MGST1: variants seen among roughly 807,000 people sequenced by gnomAD.
MGST1 encodes the protein microsomal glutathione S-transferase 1.
MGST1 carries 5 observed loss-of-function variants against 8.9 expected under a neutral mutation model. The observed-to-expected ratio is 0.56, with a 90% CI of 0.29 to 1.19. MGST1 has a LOEUF of 1.19. Among genes scored for constraint, MGST1 ranks in the 50% most tolerant of loss-of-function variants. The pLI is 0.08. For missense variants in MGST1, 182 were observed against 187.4 expected, an observed-to-expected ratio of 0.97 and a Z score of 0.17; for synonymous variants, 54 against 67.8, an observed-to-expected ratio of 0.80 and a Z score of 1.00.
chr12:16,360,964 C>G (rs1939961535), intron 3 of MGST1, among the ~76,000 whole-genome samples: 1 of 149,550 alleles, frequency 6.7e-6, no homozygotes, highest in Middle Eastern at 3.2e-3. Flanking sequence ...TCCTGACCCT[C>G]AGGGGTTTAT....
intron 1 of MGST1, among the ~76,000 whole-genome samples, chr12:16,432,489 G>C (rs573957174): frequency 1.3e-5 from 2 of 152,038 alleles, no homozygotes; most frequent in South Asian, 4.2e-4. Flanking sequence ...TACCTTAGGT[G>C]GTTGAATTTT....
intron 1 of MGST1, among the ~76,000 whole-genome samples, chr12:16,406,378 G>C (rs551684430): frequency 1.6e-4 from 25 of 152,244 alleles, no homozygotes; most frequent in African/African-American, 5.1e-4. Flanking sequence ...TGTCTACAAT[G>C]AGAATTACAA....
intron 1 of MGST1, among the ~76,000 whole-genome samples, chr12:16,348,403 A>G (rs1317612283): frequency 6.6e-6 from 1 of 152,162 alleles, no homozygotes; most frequent in Non-Finnish European, 1.5e-5. Context: ...GGAAGGAGAA[A>G]AGGAGAAGGG....
At chr12:16,505,440 C>T (rs1941531845) in intron 4 of MGST1, among the ~76,000 whole-genome samples, 1 of 152,162 alleles carries the variant, frequency 6.6e-6, no homozygotes, top group South Asian at 2.1e-4. Flanking sequence ...GCTTCTCTTA[C>T]TCCATCAAAA....
At chr12:16,475,973 T>C (rs1941320176) in intron 4 of MGST1, among the ~76,000 whole-genome samples, 1 of 148,978 alleles carries the variant, frequency 6.7e-6, no homozygotes, top group Non-Finnish European at 1.5e-5. Flanking sequence ...AAAAAAAAAA[T>C]ACATGATCTT....
intron 4 of MGST1, among the ~76,000 whole-genome samples, chr12:16,507,344 T>A (rs564996463): frequency 5.6e-4 from 85 of 152,220 alleles, no homozygotes; most frequent in African/African-American, 2.0e-3. Context: ...AGGCTTTGAA[T>A]GTCTTGCTGA....
chr12:16,412,248 C>A (rs1447246762), intron 1 of MGST1, among the ~76,000 whole-genome samples: 2 of 152,132 alleles, frequency 1.3e-5, no homozygotes, highest in Non-Finnish European at 2.9e-5. Context: ...ATACTTACAT[C>A]TGTAATGTAG....
At chr12:16,487,894 G>A (rs1422874383) in intron 4 of MGST1, among the ~76,000 whole-genome samples, 1 of 152,096 alleles carries the variant, frequency 6.6e-6, no homozygotes, top group African/African-American at 2.4e-5. Flanking sequence ...ATTATTTACA[G>A]TTACAAAAGG....
At chr12:16,354,458 A>G in intron 2 of MGST1, 80 bp downstream of exon 2, 1 of 1,462,796 alleles carries the variant, frequency 6.8e-7, no homozygotes, top group Non-Finnish European at 9.2e-7. Context: ...TTCTTTTTTT[A>G]TTTTTGGTAA....
intron 4 of MGST1, among the ~76,000 whole-genome samples, chr12:16,501,990 A>G (rs1465254762): frequency 6.6e-6 from 1 of 152,172 alleles, no homozygotes; most frequent in Admixed American, 6.5e-5. Context: ...CAATATTTAA[A>G]CAGAAGTGAA....
exon 4 of MGST1, chr12:16,376,151 C>T: frequency 7.9e-7 from 1 of 1,262,876 alleles, no homozygotes; most frequent in Non-Finnish European, 1.1e-6. Context: ...ATTTATCTTG[C>T]CTCTTCTATA....
chr12:16,373,908 CAT>C (rs1444674991), intron 3 of MGST1, among the ~76,000 whole-genome samples: 1 of 152,144 alleles, frequency 6.6e-6, no homozygotes, highest in African/African-American at 2.4e-5. Context: ...TCTATGAAAA[CAT>C]AGCTTCTTAT....
At chr12:16,357,915 T>C (rs1939797039) in intron 3 of MGST1, among the ~76,000 whole-genome samples, 1 of 152,210 alleles carries the variant, frequency 6.6e-6, no homozygotes, top group Non-Finnish European at 1.5e-5. Context: ...TGTACTTTCT[T>C]GGGGTTAATG....
chr12:16,471,160 A>C (rs1268181954), intron 4 of MGST1, among the ~76,000 whole-genome samples: 1 of 152,230 alleles, frequency 6.6e-6, no homozygotes, highest in African/African-American at 2.4e-5. Context: ...ACTTAAAAAT[A>C]CATAACTGCT....
intron 4 of MGST1, among the ~76,000 whole-genome samples, chr12:16,540,120 A>C (rs1356280272): frequency 1.3e-5 from 2 of 152,176 alleles, no homozygotes; most frequent in Non-Finnish European, 2.9e-5. Flanking sequence ...TATCCATTCC[A>C]GACTTTAACA....
In MGST1 at chr12:16,389,806, ATC is replaced by A. The variant is rs1940534749; in HGVS notation, n.778+6207_778+6208del. On this transcript the variant is annotated intron_variant and non_coding_transcript_variant, in intron 1 of 1. Coordinates refer to the MGST1 transcript ENST00000359720. The surrounding 1 kb of genome is among the most constrained non-coding windows in gnomAD (Gnocchi z 4.6). ...GAGGTGGCTGGGAGTGAGGCATGAG[ATC>A]TCTCGGTAGAGGCAAAATAGAGTGA... Among the ~76,000 whole-genome samples, 1 of 152,162 alleles carries A rather than the reference ATC, an allele frequency of 6.6e-6. No homozygotes were observed. Among genetic ancestry groups the A allele is most frequent in the African/African-American group, 2.4e-5 (1 of 41,440 alleles).
intron 4 of MGST1, among the ~76,000 whole-genome samples, chr12:16,464,932 C>A (rs138782093): frequency 6.6e-6 from 1 of 152,312 alleles, no homozygotes; most frequent in East Asian, 1.9e-4. Flanking sequence ...GCTCATGCCT[C>A]ATTTCCCCTT....
chr12:16,524,655 CTTTG>C (rs1190206337), intron 4 of MGST1, among the ~76,000 whole-genome samples: 4 of 152,042 alleles, frequency 2.6e-5, no homozygotes, highest in African/African-American at 4.8e-5. Flanking sequence ...GTAATGGTCA[CTTTG>C]TTTGTTCAAC....
rs970153803 is a variant in MGST1 at position 16,555,390 on chromosome 12, T to C, written n.483-34138T>C. 1.3e-5 allele frequency among the ~76,000 whole-genome samples: 2 copies of C among 152,224 alleles called. No individual in the cohort carries two copies. The highest frequency in any genetic ancestry group is 2.9e-5 in the Non-Finnish European group (2 of 68,046). ...TTGGTGTTTCAAAATTTCTCATGAATGTGTAACTGGTTTGCCATTATAGTC... is the reference window on the plus strand; with the variant it reads ...TTGGTGTTTCAAAATTTCTCATGAACGTGTAACTGGTTTGCCATTATAGTC... On this transcript the variant is annotated intron_variant and non_coding_transcript_variant, in intron 4 of 4. Transcript: ENST00000538857. This position sits in a 1 kb window ranked among gnomAD's most constrained non-coding sequence, Gnocchi z 5.5.
Sources: gnomAD v4.1 joint callset for allele counts (sites outside exome capture counted in the v4.1 genomes callset) on GRCh38, gnomAD v4.1.1 for gene constraint, Gnocchi (gnomAD v3.1) non-coding constraint, MANE v1.5 for transcripts, NCBI Gene and HGNC (gene_info 2026-07-23, HGNC 2026-07-21) for gene names.